Variants in SDK1 observed in about 807,000 individuals in gnomAD.
The protein encoded by SDK1 is sidekick cell adhesion molecule 1.
Under a neutral mutation model 245.5 loss-of-function variants are expected in SDK1, and 157 were observed. The observed-to-expected ratio is 0.64, with a 90% CI of 0.56 to 0.73. SDK1 has a LOEUF of 0.73. Ranked by LOEUF, SDK1 falls within the 30% of genes least tolerant of loss-of-function variation. SDK1 has a pLI of 0.00. For synonymous variants in SDK1, 1,647 were observed against 1,278.5 expected (o/e 1.29, Z -6.15); for missense variants, 3,583 against 3,002.3 (o/e 1.19, Z -4.52).
intron 1 of SDK1, among the ~76,000 whole-genome samples, chr7:3,603,761 C>G (rs992256649): frequency 6.6e-6 from 1 of 152,164 alleles, no homozygotes; most frequent in East Asian, 1.9e-4. Flanking sequence ...GTCTTGTGCC[C>G]GTTTTTAAAG....
intron 44 of SDK1, among the ~76,000 whole-genome samples, chr7:4,257,991 A>G (rs1443038490): frequency 6.6e-6 from 1 of 152,200 alleles, no homozygotes; most frequent in Non-Finnish European, 1.5e-5. Flanking sequence ...AGACACAAAC[A>G]ACAGGAATCA....
At chr7:3,617,390 G>C (rs751368673) in intron 1 of SDK1, among the ~76,000 whole-genome samples, 1 of 152,182 alleles carries the variant, frequency 6.6e-6, no homozygotes, top group African/African-American at 2.4e-5. Context: ...ATAATGACTT[G>C]TTAGAGCATA....
At chr7:3,962,571 G>C in intron 8 of SDK1, 86 bp from the exon 9 acceptor site, 1 of 1,150,136 alleles carries the variant, frequency 8.7e-7, no homozygotes, top group Admixed American at 2.8e-5. Flanking sequence ...TTAAAATATT[G>C]GCATTCTAGC....
chr7:3,744,998 A>G (rs1562412201), intron 4 of SDK1, among the ~76,000 whole-genome samples: 1 of 152,226 alleles, frequency 6.6e-6, no homozygotes, highest in Non-Finnish European at 1.5e-5. Flanking sequence ...AGAAAAAAGT[A>G]GCAGGTATCA....
chr7:3,594,741 T>C (rs1248163945), intron 1 of SDK1, among the ~76,000 whole-genome samples: 7 of 152,192 alleles, frequency 4.6e-5, no homozygotes, highest in Non-Finnish European at 1.0e-4. Context: ...CTAAATATAC[T>C]ATTGATTGTA....
chr7:3,315,986 G>A (rs1779654565), intron 1 of SDK1, among the ~76,000 whole-genome samples: 1 of 152,016 alleles, frequency 6.6e-6, no homozygotes, highest in South Asian at 2.1e-4. Context: ...TTGTACCATC[G>A]ATTTCTGGTT....
rs200756610 is a variant in SDK1, at chr7:4,113,391, C to G, written c.3537C>G (p.Ser1179Arg). ...CCCCACCCGACGTGGCTCCAACCAG[C>G]GTCACGGTCCGTACTGCCAGTGAGA... ...LQAPPDVAPT[S>R]VTVRTASETS... is the part of the protein sequence containing the mutation. Residue 1179 changes from serine (S) to arginine (R), a missense_variant, in exon 24 of 45, where the codon AGC becomes AGG. Coordinates refer to ENST00000404826, the MANE Select transcript of SDK1 (RefSeq NM_152744.4). 9 of 1,613,800 alleles carry G rather than the reference C, an allele frequency of 5.6e-6. No homozygotes were observed. Among genetic ancestry groups the G allele is most frequent in the Non-Finnish European group, 7.6e-6 (9 of 1,180,038 alleles).
chr7:3,455,243 TTCA>T (rs961513868), intron 1 of SDK1, among the ~76,000 whole-genome samples: 7 of 151,776 alleles, frequency 4.6e-5, no homozygotes, highest in East Asian at 1.9e-4. Flanking sequence ...AGCTTGTCTC[TTCA>T]TCATCTTACG....
At chr7:3,538,347 T>A (rs1263871785) in intron 1 of SDK1, among the ~76,000 whole-genome samples, 1 of 152,230 alleles carries the variant, frequency 6.6e-6, no homozygotes, top group Non-Finnish European at 1.5e-5. Flanking sequence ...GTGCTTTTTT[T>A]TTGTTTTTAA....
intron 28 of SDK1, among the ~76,000 whole-genome samples, chr7:4,144,978 G>C (rs1779860181): frequency 6.6e-6 from 1 of 152,214 alleles, no homozygotes; most frequent in Middle Eastern, 3.2e-3. Context: ...AGTTAACAAG[G>C]TTCCTCCAGA....
intron 5 of SDK1, among the ~76,000 whole-genome samples, chr7:3,926,602 C>G (rs1221882195): frequency 6.6e-6 from 1 of 152,118 alleles, no homozygotes; most frequent in Non-Finnish European, 1.5e-5. Context: ...TGGTCTCGAA[C>G]TCCTGGGCTC....
chr7:3,642,130 T>A, intron 4 of SDK1, 25 bp downstream of exon 4: 2 of 1,610,316 alleles, frequency 1.2e-6, no homozygotes, highest in Middle Eastern at 1.7e-4. Flanking sequence ...ACGTTAAAGC[T>A]TCAAATACAA....
In SDK1 at chr7:3,612,979, A is replaced by G. The variant is rs189506766; in HGVS notation, c.299-6101A>G. Among the ~76,000 whole-genome samples the G allele has an allele frequency of 4.8e-4, 73 of 151,666 alleles. 1 individual carries two copies. The highest frequency in any genetic ancestry group is 1.6e-3 in the African/African-American group (66 of 41,370). On this transcript the variant is annotated intron_variant, in intron 1 of 44. Coordinates refer to ENST00000404826, the MANE Select transcript of SDK1 (RefSeq NM_152744.4). ...GAGGTTGATTATTTCTTTATTCATT[A>G]TCTCTTTAAAATGCAGGAGAAAAGG...
At chr7:4,014,609 G>A (rs970743288) in intron 16 of SDK1, among the ~76,000 whole-genome samples, 4 of 152,168 alleles carry the variant, frequency 2.6e-5, no homozygotes, top group African/African-American at 9.7e-5. Context: ...CACTTCCGTG[G>A]CTCCAGCCAT....
intron 1 of SDK1, among the ~76,000 whole-genome samples, chr7:3,608,698 G>A (rs758832206): frequency 6.6e-6 from 1 of 152,134 alleles, no homozygotes; most frequent in Non-Finnish European, 1.5e-5. Flanking sequence ...GGAAAGACAT[G>A]TGTATGGATA....
intron 1 of SDK1, among the ~76,000 whole-genome samples, chr7:3,595,274 G>T (rs1030167921): frequency 4.0e-5 from 6 of 151,162 alleles, no homozygotes; most frequent in African/African-American, 1.5e-4. Context: ...TACCCTATTC[G>T]TAACTTTATG....
At chr7:3,440,719 A>C (rs1780170205) in intron 1 of SDK1, among the ~76,000 whole-genome samples, 1 of 152,174 alleles carries the variant, frequency 6.6e-6, no homozygotes, top group East Asian at 1.9e-4. Context: ...GGTTGCTAAG[A>C]TTAAGAACAA....
intron 1 of SDK1, among the ~76,000 whole-genome samples, chr7:3,344,988 C>A (rs139908692): frequency 6.6e-6 from 1 of 152,184 alleles, no homozygotes; most frequent in African/African-American, 2.4e-5. Context: ...ATGTAAAAAT[C>A]TGAATAGTAC....
chr7:3,967,724 A>G (rs551139950), intron 10 of SDK1, among the ~76,000 whole-genome samples: 1 of 152,296 alleles, frequency 6.6e-6, no homozygotes, highest in South Asian at 2.1e-4. Context: ...CTTGGCATGC[A>G]TAGTTCACTG....
Sources: gnomAD v4.1 joint callset for allele counts (sites outside exome capture counted in the v4.1 genomes callset) on GRCh38, gnomAD v4.1.1 for gene constraint, MANE v1.5 for transcripts, NCBI Gene and HGNC (gene_info 2026-07-23, HGNC 2026-07-21) for gene names.